The following ST7L variants were observed in gnomAD, a reference collection of about 807,000 sequenced individuals.
ST7L encodes suppression of tumorigenicity 7 like, also known as suppressor of tumorigenicity 7 protein-like.
ST7L carries 57 observed loss-of-function variants against 72.5 expected under a neutral mutation model. The observed-to-expected ratio is 0.79, with a 90% CI of 0.64 to 0.98. ST7L has a LOEUF of 0.98. Among genes scored for constraint, ST7L ranks in the 50% least tolerant of loss-of-function variants. The pLI is 0.00. For missense variants in ST7L, 576 were observed against 672.2 expected (o/e 0.86, Z 1.58); for synonymous variants, 221 against 240.9 (o/e 0.92, Z 0.77).
chr1:112,533,140 GCTTA>G (rs1424691939), intron 14 of ST7L, among the ~76,000 whole-genome samples: 2 of 152,000 alleles, frequency 1.3e-5, no homozygotes, highest in African/African-American at 4.8e-5. Flanking sequence ...ACAAACCAGG[GCTTA>G]CTGTTTCTTT....
intron 11 of ST7L, among the ~76,000 whole-genome samples, chr1:112,568,865 T>TAA (rs1205660972): frequency 0.016 from 1,449 of 91,044 alleles, 18 homozygotes; most frequent in African/African-American, 0.047. Flanking sequence ...AATATAAATA[T>TAA]ATATATATAT....
At chr1:112,561,550 G>A (rs535231435) in intron 11 of ST7L, among the ~76,000 whole-genome samples, 33 of 151,630 alleles carry the variant, frequency 2.2e-4, no homozygotes, top group African/African-American at 3.4e-4. Flanking sequence ...GCGTGATCTC[G>A]GCTCAGTGCA....
chr1:112,580,197 G>A (rs1309718531), intron 9 of ST7L, among the ~76,000 whole-genome samples: 1 of 152,098 alleles, frequency 6.6e-6, no homozygotes, highest in African/African-American at 2.4e-5. Flanking sequence ...CACCCAGGCT[G>A]GAATACAGTG....
intron 14 of ST7L, 160 bp downstream of exon 14, chr1:112,541,791 T>G: frequency 7.5e-7 from 1 of 1,333,884 alleles, no homozygotes; most frequent in Non-Finnish European, 9.6e-7. Flanking sequence ...CACCAAAAAT[T>G]TATGTTTGAT....
At chr1:112,532,785 T>A (rs1654583537) in intron 14 of ST7L, among the ~76,000 whole-genome samples, 1 of 152,242 alleles carries the variant, frequency 6.6e-6, no homozygotes, top group Non-Finnish European at 1.5e-5. Flanking sequence ...AGAACAAAGA[T>A]AATTTTATGA....
intron 11 of ST7L, among the ~76,000 whole-genome samples, chr1:112,558,468 A>C (rs1301374448): frequency 6.6e-6 from 1 of 152,198 alleles, no homozygotes; most frequent in Non-Finnish European, 1.5e-5. Context: ...ATTATATCTA[A>C]AATAATTTTT....
chr1:112,542,094 C>T lies in ST7L; in HGVS notation c.1490-4G>A, dbSNP rs953256921. ...TAAACAGAAACATGATGAAAGGCTG[C>T]AATGGAGAATAGGTAAGAATCAATT... On this transcript the variant is annotated splice_polypyrimidine_tract_variant and splice_region_variant and intron_variant, in intron 13 of 14. Coordinates refer to ENST00000358039, the MANE Select transcript of ST7L (RefSeq NM_017744.5). The T allele has an allele frequency of 1.9e-6, 3 of 1,601,114 alleles. No individual in the cohort carries two copies. Among genetic ancestry groups the T allele is most frequent in the Admixed American group, 3.5e-5 (2 of 57,840 alleles).
intron 14 of ST7L, among the ~76,000 whole-genome samples, chr1:112,541,039 CT>C (rs1416528685): frequency 6.6e-6 from 1 of 152,142 alleles, no homozygotes; most frequent in Admixed American, 6.5e-5. Flanking sequence ...AATCCCAGCA[CT>C]TTGGGAGGCT....
intron 2 of ST7L, among the ~76,000 whole-genome samples, chr1:112,614,632 G>A (rs1272848137): frequency 6.6e-6 from 1 of 151,924 alleles, no homozygotes; most frequent in Non-Finnish European, 1.5e-5. Flanking sequence ...TACTACAGCT[G>A]GAGAGCACCA....
At chr1:112,571,616 G>A (rs1396435345) in intron 11 of ST7L, among the ~76,000 whole-genome samples, 3 of 152,046 alleles carry the variant, frequency 2.0e-5, no homozygotes, top group Non-Finnish European at 4.4e-5. Flanking sequence ...AGTAGAGATG[G>A]GGTTTCTCCA....
chr1:112,544,808 C>T (rs1166439163), intron 13 of ST7L, among the ~76,000 whole-genome samples: 6 of 152,178 alleles, frequency 3.9e-5, no homozygotes, highest in African/African-American at 1.4e-4. Flanking sequence ...GATTTTTATA[C>T]TGTAAGAGAG....
At chr1:112,609,487 C>A (rs1020187060) in intron 3 of ST7L, among the ~76,000 whole-genome samples, 7 of 149,630 alleles carry the variant, frequency 4.7e-5, no homozygotes, top group Admixed American at 2.0e-4. Context: ...GCTGAGATTG[C>A]ACCACTGCAC....
intron 11 of ST7L, chr1:112,570,676 G>T (rs1270163244): frequency 6.7e-6 from 3 of 448,152 alleles, no homozygotes; most frequent in African/African-American, 6.1e-5. Context: ...CTTTATGTTT[G>T]CTTGCTTCCA....
chr1:112,520,512 A>G, downstream of ST7L: 1 of 1,613,478 alleles, frequency 6.2e-7, no homozygotes, highest in South Asian at 1.1e-5. Context: ...AAACCTGAAC[A>G]CACAGATACC....
downstream of ST7L, chr1:112,520,791 T>C: frequency 6.4e-6 from 3 of 470,396 alleles, no homozygotes; most frequent in Non-Finnish European, 7.6e-6. Flanking sequence ...TGAAATGAGT[T>C]GCACTAAAGT....
intron 14 of ST7L, chr1:112,540,877 T>C: frequency 7.9e-7 from 1 of 1,272,252 alleles, no homozygotes; most frequent in Non-Finnish European, 1.0e-6. Context: ...TACTACCTGG[T>C]AGAAATGCAA....
In ST7L at chr1:112,541,968, C is replaced by T. The variant is rs769055159; in HGVS notation, c.1612G>A (p.Gly538Ser). The change falls in exon 14 of 15, where the codon GGT becomes AGT. Residue 538 changes from glycine (G) to serine (S), a missense_variant. By Grantham distance (56) the Gly-to-Ser change is moderately conservative (BLOSUM62 0). Around this residue, in one of 3 missense-constraint regions of ST7L, gnomAD observed 511 missense variants for 600.7 expected, o/e 0.85. Coordinates refer to ENST00000358039, the MANE Select transcript of ST7L (RefSeq NM_017744.5). ...ATACTTACAGCTTTAGCAAAAATAC[C>T]CATGATTTCAGGAAACTGGTGAGTG... Reference protein sequence around the residue: ...ILTHQFPEIMGIFAKAVLGLW... With the variant: ...ILTHQFPEIMSIFAKAVLGLW... 1.7e-5 allele frequency: 28 copies of T among 1,613,344 alleles called. No individual in the cohort carries two copies. The highest frequency in any genetic ancestry group is 3.3e-5 in the Admixed American group (2 of 59,888).
At chr1:112,555,243 A>G (rs1286640475) in intron 12 of ST7L, among the ~76,000 whole-genome samples, 2 of 152,200 alleles carry the variant, frequency 1.3e-5, no homozygotes, top group East Asian at 1.9e-4. Flanking sequence ...AATTTTTAAA[A>G]TATTAGAATA....
intron 12 of ST7L, among the ~76,000 whole-genome samples, chr1:112,551,337 G>T (rs975399437): frequency 6.6e-6 from 1 of 151,384 alleles, no homozygotes; most frequent in East Asian, 1.9e-4. Flanking sequence ...TTTAGTAGAG[G>T]CGGGGTTTCA....
Sources: gnomAD v4.1 joint callset for allele counts (sites outside exome capture counted in the v4.1 genomes callset) on GRCh38, gnomAD v4.1.1 for gene constraint, gnomAD v4.1.1 regional missense constraint, MANE v1.5 for transcripts, NCBI Gene and HGNC (gene_info 2026-07-23, HGNC 2026-07-21) for gene names.